Variants in TMEM132B observed in about 807,000 individuals in gnomAD.
The protein encoded by TMEM132B is transmembrane protein 132B.
TMEM132B carries 18 observed loss-of-function variants against 90.8 expected under a neutral mutation model. The observed-to-expected ratio is 0.20, with a 90% CI of 0.14 to 0.29. The LOEUF is 0.29. Among genes scored for constraint, TMEM132B ranks in the 10% least tolerant of loss-of-function variants. TMEM132B has a pLI of 1.00. For missense variants in TMEM132B, 1,096 were observed against 1,326.8 expected (o/e 0.83, Z 2.70); for synonymous variants, 504 against 523.3 (o/e 0.96, Z 0.50).
intron 3 of TMEM132B, among the ~76,000 whole-genome samples, chr12:125,497,183 A>C (rs542211074): frequency 6.6e-6 from 1 of 152,170 alleles, no homozygotes; most frequent in African/African-American, 2.4e-5. Context: ...CTGTTGACCT[A>C]CGTGGAAGCA....
intron 3 of TMEM132B, among the ~76,000 whole-genome samples, chr12:125,516,098 AACAC>A (rs972745686): frequency 5.3e-5 from 8 of 149,800 alleles, no homozygotes; most frequent in Admixed American, 1.3e-4. Flanking sequence ...CACACACACT[AACAC>A]ACACTATCAC....
intron 4 of TMEM132B, among the ~76,000 whole-genome samples, chr12:125,545,991 A>G (rs1401686462): frequency 6.6e-6 from 1 of 152,202 alleles, no homozygotes; most frequent in African/African-American, 2.4e-5. Flanking sequence ...CATAACTTAT[A>G]TATAATACAA....
intron 1 of TMEM132B, among the ~76,000 whole-genome samples, chr12:125,263,433 C>T (rs1874613565): frequency 6.6e-6 from 1 of 152,176 alleles, no homozygotes; most frequent in African/African-American, 2.4e-5. Context: ...TACTACGATT[C>T]TTGATAAGCT....
At chr12:125,288,239 C>T (rs1276629929) in intron 1 of TMEM132B, among the ~76,000 whole-genome samples, 3 of 151,024 alleles carry the variant, frequency 2.0e-5, no homozygotes, top group African/African-American at 7.3e-5. Flanking sequence ...CTGAGGTGGG[C>T]GGATCATGAA....
intron 1 of TMEM132B, among the ~76,000 whole-genome samples, chr12:125,307,887 A>G (rs1158933708): frequency 2.1e-5 from 2 of 93,786 alleles, no homozygotes; most frequent in Admixed American, 1.3e-4. Context: ...TTATATACTT[A>G]TATTACTAAA....
At chr12:125,332,352 T>C (rs1876801756) in intron 1 of TMEM132B, among the ~76,000 whole-genome samples, 2 of 152,124 alleles carry the variant, frequency 1.3e-5, no homozygotes, top group Admixed American at 1.3e-4. Flanking sequence ...TCATCTCTTC[T>C]TCCTCTGAGA....
intron 5 of TMEM132B, among the ~76,000 whole-genome samples, chr12:125,596,699 C>G (rs1299218602): frequency 6.6e-6 from 1 of 152,198 alleles, no homozygotes; most frequent in African/African-American, 2.4e-5. Context: ...TTTTGATGCC[C>G]TGAACTACTG....
At chr12:125,515,615 TTCA>T (rs1883122439) in intron 3 of TMEM132B, among the ~76,000 whole-genome samples, 2 of 148,304 alleles carry the variant, frequency 1.3e-5, no homozygotes, top group South Asian at 2.3e-4. Context: ...ACAACACATA[TTCA>T]CACATTTAGT....
chr12:125,198,990 A>G (rs1872988606), intron 1 of TMEM132B, among the ~76,000 whole-genome samples: 1 of 152,260 alleles, frequency 6.6e-6, no homozygotes, highest in African/African-American at 2.4e-5. Flanking sequence ...TAATCTGCCA[A>G]TATGGATTAG....
intron 2 of TMEM132B, among the ~76,000 whole-genome samples, chr12:125,388,203 G>A (rs1284001526): frequency 1.3e-5 from 2 of 152,102 alleles, no homozygotes; most frequent in African/African-American, 4.8e-5. Context: ...CAAGGTGAGT[G>A]GATCACTTGA....
intron 5 of TMEM132B, among the ~76,000 whole-genome samples, chr12:125,640,551 G>C (rs1262687427): frequency 6.6e-6 from 1 of 152,174 alleles, no homozygotes; most frequent in Admixed American, 6.5e-5. Context: ...CAGGTCCAGG[G>C]CATTAGGGCC....
chr12:125,523,142 T>A (rs1883353667), intron 4 of TMEM132B, among the ~76,000 whole-genome samples: 1 of 152,210 alleles, frequency 6.6e-6, no homozygotes, highest in Non-Finnish European at 1.5e-5. Flanking sequence ...GCTTGCCATA[T>A]TATTAATTTT....
intron 4 of TMEM132B, among the ~76,000 whole-genome samples, chr12:125,562,127 C>T (rs1387859255): frequency 6.6e-6 from 1 of 152,230 alleles, no homozygotes; most frequent in Non-Finnish European, 1.5e-5. Context: ...CACTGCTTCA[C>T]CTTGTACTTT....
intron 5 of TMEM132B, among the ~76,000 whole-genome samples, chr12:125,597,980 A>G (rs956063542): frequency 1.1e-4 from 16 of 152,148 alleles, no homozygotes; most frequent in African/African-American, 3.9e-4. Context: ...AATGAATCCT[A>G]AGGATTCAGA....
At chr12:125,380,800 T>C (rs1399500626) in intron 2 of TMEM132B, among the ~76,000 whole-genome samples, 1 of 152,196 alleles carries the variant, frequency 6.6e-6, no homozygotes, top group African/African-American at 2.4e-5. Flanking sequence ...TCCTGCTTAA[T>C]GAGTCCTCTG....
chr12:125,461,970 CTCATTGGCCCAGG>C (rs922748610), intron 3 of TMEM132B, among the ~76,000 whole-genome samples: 2 of 152,216 alleles, frequency 1.3e-5, no homozygotes, highest in African/African-American at 4.8e-5. Context: ...CAGCTTGGAT[CTCATTGGCCCAGG>C]CTGAGTCATG....
At chr12:125,358,601 G>T (rs924825553) in intron 2 of TMEM132B, among the ~76,000 whole-genome samples, 1 of 152,058 alleles carries the variant, frequency 6.6e-6, no homozygotes, top group Non-Finnish European at 1.5e-5. Flanking sequence ...CTCAATTTGG[G>T]TCTGTCTGGT....
intron 1 of TMEM132B, among the ~76,000 whole-genome samples, chr12:125,331,636 A>G (rs1876776018): frequency 6.6e-6 from 1 of 152,182 alleles, no homozygotes; most frequent in African/African-American, 2.4e-5. Context: ...GGTTAAGCCC[A>G]CACTCTGGGG....
chr12:125,409,636 TGGAG>T (rs1566026180), intron 2 of TMEM132B, among the ~76,000 whole-genome samples: 1 of 31,492 alleles, frequency 3.2e-5, no homozygotes, highest in Admixed American at 4.0e-4. Context: ...TGGAGTGGAG[TGGAG>T]GAGTGGAGTG....
Sources: allele counts gnomAD v4.1 joint callset (sites outside exome capture counted in the v4.1 genomes callset), GRCh38; gene constraint gnomAD v4.1.1; transcripts MANE v1.5; gene names NCBI Gene and HGNC (gene_info 2026-07-23, HGNC 2026-07-21).